Variants in ADAMTS6 observed in about 807,000 individuals in gnomAD.
The protein encoded by ADAMTS6 is ADAM metallopeptidase with thrombospondin type 1 motif 6, also known as A disintegrin and metalloproteinase with thrombospondin motifs 6.
ADAMTS6 carries 23 observed loss-of-function variants against 144.3 expected under a neutral mutation model. The observed-to-expected ratio is 0.16, with a 90% CI of 0.11 to 0.23. ADAMTS6 has a LOEUF of 0.23. Among genes scored for constraint, ADAMTS6 ranks in the 10% least tolerant of loss-of-function variants. ADAMTS6 has a pLI of 1.00. For missense variants in ADAMTS6, 999 were observed against 1,379.6 expected, an observed-to-expected ratio of 0.72 and a Z score of 4.37; for synonymous variants, 444 against 457.5, an observed-to-expected ratio of 0.97 and a Z score of 0.38.
At chr5:65,478,116 G>C (rs977434158) in intron 1 of ADAMTS6, among the ~76,000 whole-genome samples, 17 of 150,978 alleles carry the variant, frequency 1.1e-4, no homozygotes, top group Non-Finnish European at 7.4e-5. Context: ...GACAGAGCGA[G>C]GCTCCGTCTC....
intron 7 of ADAMTS6, among the ~76,000 whole-genome samples, chr5:65,429,695 C>A (rs1045091273): frequency 6.6e-6 from 1 of 151,686 alleles, no homozygotes; most frequent in African/African-American, 2.4e-5. Context: ...CAGAAGAAGC[C>A]AACACTAAAT....
chr5:65,379,696 CAT>C (rs1172287283), intron 7 of ADAMTS6, among the ~76,000 whole-genome samples: 4 of 152,074 alleles, frequency 2.6e-5, no homozygotes, highest in African/African-American at 4.8e-5. Context: ...CATGCACACA[CAT>C]GTACATAACT....
intron 3 of ADAMTS6, among the ~76,000 whole-genome samples, chr5:65,470,263 C>T (rs1004866580): frequency 1.1e-4 from 16 of 151,982 alleles, no homozygotes; most frequent in African/African-American, 3.9e-4. Context: ...TTATATCAAT[C>T]TTCATATAAA....
At chr5:65,432,104 G>A (rs945776345) in intron 7 of ADAMTS6, among the ~76,000 whole-genome samples, 1 of 152,010 alleles carries the variant, frequency 6.6e-6, no homozygotes, top group Non-Finnish European at 1.5e-5. Context: ...GAGAACTTAT[G>A]AAATAAGAAT....
At chr5:65,207,616 G>A (rs1382249730) in intron 20 of ADAMTS6, among the ~76,000 whole-genome samples, 1 of 152,180 alleles carries the variant, frequency 6.6e-6, no homozygotes, top group African/African-American at 2.4e-5. Context: ...CAGAAAAGTA[G>A]GGTAGAAAAT....
chr5:65,332,310 T>TAGAGAGAGAGAG (rs200599386), intron 8 of ADAMTS6, among the ~76,000 whole-genome samples: 1 of 113,584 alleles, frequency 8.8e-6, no homozygotes, highest in African/African-American at 3.1e-5. Flanking sequence ...TATATATATA[T>TAGAGAGAGAGAG]ATAGAGAGAG....
At position 65,195,622 on chromosome 5, in the gene ADAMTS6, A is replaced by G. The variant is rs138317471; in HGVS notation, c.2705+1400T>C. On this transcript the variant is annotated intron_variant, in intron 21 of 24. Coordinates refer to ENST00000381055, the MANE Select transcript of ADAMTS6 (RefSeq NM_197941.4). ...GAACAAGAAATGCACCTTGGTTTAA[A>G]CGTTATTTGGGACATGGATTATTTA... 3.2e-3 allele frequency among the ~76,000 whole-genome samples: 481 copies of G among 152,306 alleles called. 10 individuals carry two copies. The highest frequency in any genetic ancestry group is 9.7e-3 in the African/African-American group (405 of 41,566).
intron 3 of ADAMTS6, among the ~76,000 whole-genome samples, chr5:65,462,022 A>G (rs1759671729): frequency 6.6e-6 from 1 of 152,224 alleles, no homozygotes; most frequent in Non-Finnish European, 1.5e-5. Context: ...AGGAATGCAA[A>G]CAAAAAAAGC....
chr5:65,302,587 G>A (rs1220528650), intron 9 of ADAMTS6, among the ~76,000 whole-genome samples: 1 of 151,868 alleles, frequency 6.6e-6, no homozygotes, highest in Admixed American at 6.6e-5. Flanking sequence ...AGTGGAGTAA[G>A]TCTCTTTGAA....
At chr5:65,431,752 TTTGAGGGA>T (rs1757017471) in intron 7 of ADAMTS6, among the ~76,000 whole-genome samples, 1 of 151,932 alleles carries the variant, frequency 6.6e-6, no homozygotes. Context: ...AAACAGCAGG[TTTGAGGGA>T]AAAATTGGGA....
intron 7 of ADAMTS6, among the ~76,000 whole-genome samples, chr5:65,422,315 G>C (rs1163794017): frequency 6.6e-6 from 1 of 152,216 alleles, no homozygotes; most frequent in Non-Finnish European, 1.5e-5. Flanking sequence ...AGAAACAATA[G>C]AGGTTGGTGT....
intron 10 of ADAMTS6, among the ~76,000 whole-genome samples, chr5:65,295,368 A>G (rs1242799133): frequency 6.6e-6 from 1 of 152,090 alleles, no homozygotes; most frequent in Non-Finnish European, 1.5e-5. Flanking sequence ...TTACATGTCC[A>G]GTGTTATTTA....
chr5:65,437,261 A>AT (rs1287175673), intron 7 of ADAMTS6, among the ~76,000 whole-genome samples: 28 of 151,518 alleles, frequency 1.8e-4, no homozygotes, highest in Non-Finnish European at 2.9e-4. Context: ...CGCCCAGATA[A>AT]TTTTTTGCAT....
At chr5:65,456,850 A>G (rs1229213346) in intron 4 of ADAMTS6, among the ~76,000 whole-genome samples, 1 of 152,166 alleles carries the variant, frequency 6.6e-6, no homozygotes, top group African/African-American at 2.4e-5. Context: ...TATTACTTCT[A>G]TAAAATGTTT....
At chr5:65,298,479 C>A (rs186235170) in intron 10 of ADAMTS6, among the ~76,000 whole-genome samples, 1 of 151,972 alleles carries the variant, frequency 6.6e-6, no homozygotes, top group Non-Finnish European at 1.5e-5. Flanking sequence ...CTAGGGAGAG[C>A]GGATCTTCAA....
At chr5:65,155,198 G>A (rs987891300) in intron 24 of ADAMTS6, among the ~76,000 whole-genome samples, 3 of 152,032 alleles carry the variant, frequency 2.0e-5, no homozygotes, top group African/African-American at 7.3e-5. Context: ...AATTTATCAA[G>A]CATATCATTT....
At chr5:65,305,264 C>A (rs1303216700) in intron 9 of ADAMTS6, among the ~76,000 whole-genome samples, 1 of 152,122 alleles carries the variant, frequency 6.6e-6, no homozygotes, top group Non-Finnish European at 1.5e-5. Flanking sequence ...AATGTGAAAT[C>A]ATTTCAAACT....
rs574785375 is a variant in ADAMTS6, at chr5:65,327,621, C to A, written c.1223+1757G>T. Among the ~76,000 whole-genome samples the A allele has an allele frequency of 3.4e-4, 52 of 152,240 alleles. 1 individual carries two copies. In the South Asian group the frequency reaches 9.1e-3, roughly 27 times the overall value. On this transcript the variant is annotated intron_variant, in intron 9 of 24. Coordinates refer to ENST00000381055, the MANE Select transcript of ADAMTS6 (RefSeq NM_197941.4). ...CTATTTCTCTTTCACAATTTTTCTA[C>A]ATAAGGTACAAGCCATTCATTGTAG... is the stretch of plus-strand genomic sequence containing the variant.
intron 7 of ADAMTS6, among the ~76,000 whole-genome samples, chr5:65,335,222 T>G (rs1416944565): frequency 1.3e-5 from 2 of 152,172 alleles, no homozygotes; most frequent in Non-Finnish European, 2.9e-5. Context: ...CTCTTCATCC[T>G]GCTCATTTTA....
Sources: gnomAD v4.1 joint callset for allele counts (sites outside exome capture counted in the v4.1 genomes callset) on GRCh38, gnomAD v4.1.1 for gene constraint, MANE v1.5 for transcripts, NCBI Gene and HGNC (gene_info 2026-07-23, HGNC 2026-07-21) for gene names.